CCZ1B: variants seen among roughly 807,000 people sequenced by gnomAD.
CCZ1B encodes the protein vacuolar fusion protein CCZ1 homolog B.
In CCZ1B, 25 loss-of-function variants were observed where a neutral mutation model predicts 58.8. The observed-to-expected ratio is 0.43, with a 90% confidence interval of 0.31 to 0.59. The LOEUF is 0.59. CCZ1B is among the 20% of genes least tolerant of loss of function. The probability of loss-of-function intolerance (pLI) is 0.12; values close to 1 mark genes in which losing one functional copy is unlikely to be tolerated. For synonymous variants in CCZ1B, 66 were observed against 173.2 expected, an observed-to-expected ratio of 0.38 and a Z score of 4.86; for missense variants, 180 against 501.5, an observed-to-expected ratio of 0.36 and a Z score of 6.12.
At chr7:6,819,429 T>A (rs1181855388) in intron 7 of CCZ1B, among the ~76,000 whole-genome samples, 1 of 148,692 alleles carries the variant, frequency 6.7e-6, no homozygotes, top group Non-Finnish European at 1.5e-5. Flanking sequence ...AGAGACAGGG[T>A]TTCACTATGT....
chr7:6,811,924 T>C (rs1782921937), intron 10 of CCZ1B, 28 bp downstream of exon 10: 3 of 1,596,522 alleles, frequency 1.9e-6, no homozygotes, highest in Non-Finnish European at 2.6e-6. Context: ...AGCACAATCA[T>C]TAACGCTGGA....
intron 10 of CCZ1B, among the ~76,000 whole-genome samples, chr7:6,807,572 TTAC>T (rs1782850787): frequency 6.6e-6 from 1 of 152,250 alleles, no homozygotes; most frequent in South Asian, 2.1e-4. Flanking sequence ...AAGACTCAAA[TTAC>T]TAAAACCAGG....
At position 6,825,665 on chromosome 7, in the gene CCZ1B, C is replaced by CACACA. The variant is rs1423276149; in HGVS notation, c.120+412_120+413insTGTGT. On this transcript the variant is annotated intron_variant, in intron 1 of 14. Coordinates refer to ENST00000316731, the MANE Select transcript of CCZ1B (RefSeq NM_198097.5). ...ACCACACACACACACACACACACAC[C>CACACA]CCTCCCGAAATTAATTTATTTCCTC... 1.2e-3 allele frequency among the ~76,000 whole-genome samples: 132 copies of CACACA among 111,394 alleles called. 1 individual carries two copies. In the South Asian group the frequency reaches 0.017, roughly 15 times the overall value. 73.1% of individuals were successfully genotyped at this position (111,394 alleles called of 152,430 possible).
At chr7:6,813,845 C>T (rs1369186823) in intron 8 of CCZ1B, among the ~76,000 whole-genome samples, 5 of 108,626 alleles carry the variant, frequency 4.6e-5, no homozygotes, top group South Asian at 5.3e-4. Context: ...TAGAACCCAA[C>T]CTAAAATCCA....
Position 6,810,279 on chromosome 7 carries a change from C to T in CCZ1B, c.954+1673G>A, listed in dbSNP as rs3109226. 1.1e-4 allele frequency among the ~76,000 whole-genome samples: 16 copies of T among 149,872 alleles called. 1 individual carries two copies. The East Asian group carries it at 1.7e-3, about 16-fold the overall frequency. On this transcript the variant is annotated intron_variant, in intron 10 of 14. Coordinates refer to ENST00000316731, the MANE Select transcript of CCZ1B (RefSeq NM_198097.5). ...CCGCCCACCTTGGCCTCCCAAAGTGCTGGGATTATAGGCGTGAGCCACCAT... is the reference window on the plus strand; with the variant it reads ...CCGCCCACCTTGGCCTCCCAAAGTGTTGGGATTATAGGCGTGAGCCACCAT...
rs1273240346 is a variant in CCZ1B, at chr7:6,812,211, G to A, written c.843-148C>T. ...AACACCATATCAGAATAGGCCGGCT[G>A]GGCGTGGTGGCTCATGCCTGTAATC... On this transcript the variant is annotated intron_variant, in intron 9 of 14. Coordinates refer to ENST00000316731, the MANE Select transcript of CCZ1B (RefSeq NM_198097.5). 9.6e-6 allele frequency: 8 copies of A among 831,434 alleles called. 1 individual carries two copies. The highest frequency in any genetic ancestry group is 4.5e-5 in the Admixed American group (2 of 44,682). The allele number at this position is 831,434 out of a possible 1,614,324, so 51.5% of individuals were successfully genotyped here. A position where few individuals can be genotyped will look rare whatever the true frequency, so the allele number is the denominator to read the frequency against.
At chr7:6,813,488 G>C (rs1782950109) in intron 8 of CCZ1B, among the ~76,000 whole-genome samples, 2 of 149,216 alleles carry the variant, frequency 1.3e-5, no homozygotes, top group African/African-American at 2.5e-5. Context: ...TGAGGTGACA[G>C]GACCGCTTGA....
At position 6,801,084 on chromosome 7, in the gene CCZ1B, C is replaced by G. The variant is rs375591981; in HGVS notation, c.1266-9G>C. The G allele has an allele frequency of 5.2e-5, 70 of 1,345,960 alleles. 10 individuals are homozygous for G. The African/African-American group carries it at 8.8e-4, about 17-fold the overall frequency. The allele number at this position is 1,345,960 out of a possible 1,614,324, so 83.4% of individuals were successfully genotyped here. On this transcript the variant is annotated splice_polypyrimidine_tract_variant and intron_variant, in intron 13 of 14. Coordinates refer to ENST00000316731, the MANE Select transcript of CCZ1B (RefSeq NM_198097.5). ...CCTCATCTTCATCCACTCTGCAAGA[C>G]GAGGGTCAAAATGCAATTGTTCGTT...
chr7:6,816,880 G>T (rs1263596873), intron 7 of CCZ1B, among the ~76,000 whole-genome samples: 1 of 150,980 alleles, frequency 6.6e-6, no homozygotes, highest in South Asian at 2.1e-4. Flanking sequence ...AACCTCTGTA[G>T]TCTCTGTAGT....
At chr7:6,814,472 G>C (rs2115118983) in intron 8 of CCZ1B, among the ~76,000 whole-genome samples, 1 of 149,934 alleles carries the variant, frequency 6.7e-6, no homozygotes, top group East Asian at 1.9e-4. Context: ...CTCCATCCCA[G>C]GTGAAAGTTC....
chr7:6,799,149 T>C lies in CCZ1B; in HGVS notation c.*75A>G. The C allele has an allele frequency of 4.9e-6, 3 of 606,918 alleles. 1 individual carries two copies. Among genetic ancestry groups the C allele is most frequent in the Non-Finnish European group, 7.1e-6 (3 of 420,346 alleles). 37.6% of individuals were successfully genotyped at this position (606,918 alleles called of 1,614,324 possible). A position where few individuals can be genotyped will look rare whatever the true frequency, so the allele number is the denominator to read the frequency against. ...CCCTTGTCCTGAATGCAGTCCGTCA[T>C]ATGACCACTAACTTGCATGTGACCA... On this transcript the variant is annotated 3_prime_UTR_variant, in exon 15 of 15. Transcript: ENST00000316731.
chr7:6,821,801 A>C (rs9692111), intron 6 of CCZ1B, among the ~76,000 whole-genome samples: 33,677 of 147,392 alleles, frequency 0.23, 2,706 homozygotes, highest in East Asian at 0.33. Flanking sequence ...AGAGGACAGC[A>C]CTTGGAACAA....
chr7:6,822,512 T>G, intron 5 of CCZ1B, 148 bp from the exon 6 acceptor site: 1 of 1,356,578 alleles, frequency 7.4e-7, no homozygotes, highest in Non-Finnish European at 9.7e-7. Flanking sequence ...GTGAGAAAAC[T>G]TGAGTTAAAA....
At chr7:6,815,667 G>A (rs1302984192) in intron 7 of CCZ1B, among the ~76,000 whole-genome samples, 2 of 148,990 alleles carry the variant, frequency 1.3e-5, no homozygotes, top group Non-Finnish European at 3.0e-5. Flanking sequence ...GTTAAGGAAG[G>A]TAAAGAGTTA....
chr7:6,803,704 C>A (rs1782793047), intron 12 of CCZ1B, among the ~76,000 whole-genome samples: 1 of 148,096 alleles, frequency 6.8e-6, no homozygotes, highest in Non-Finnish European at 1.5e-5. Flanking sequence ...TGGCTCACGC[C>A]TGTCATCCCA....
chr7:6,821,517 A>G (rs1381106725), intron 6 of CCZ1B, among the ~76,000 whole-genome samples: 1 of 152,308 alleles, frequency 6.6e-6, no homozygotes, highest in African/African-American at 2.4e-5. Flanking sequence ...TAGCTATGAA[A>G]GCTGTTTTAG....
At chr7:6,823,048 G>A (rs1175489812) in intron 5 of CCZ1B, among the ~76,000 whole-genome samples, 2 of 147,916 alleles carry the variant, frequency 1.4e-5, no homozygotes, top group African/African-American at 2.6e-5. Flanking sequence ...CATTCTGTAT[G>A]TTCCTTGAGC....
At chr7:6,821,769 T>C (rs1783114845) in intron 6 of CCZ1B, among the ~76,000 whole-genome samples, 1 of 150,114 alleles carries the variant, frequency 6.7e-6, no homozygotes, top group Non-Finnish European at 1.5e-5. Flanking sequence ...GGGTGAAACA[T>C]GCAAAATTCA....
Position 6,819,819 on chromosome 7 carries a change from T to A in CCZ1B, c.645A>T (p.Glu215Asp), listed in dbSNP as rs2115126211. 6.4e-7 allele frequency: 1 copy of A among 1,567,038 alleles called. No individual in the cohort carries two copies. Among genetic ancestry groups the A allele is most frequent in the East Asian group, 2.2e-5 (1 of 44,808 alleles). The change falls in exon 7 of 15, where the codon GAA becomes GAT. Residue 215 changes from glutamate (E) to aspartate (D), a missense_variant. Glu to Asp is a conservative substitution (Grantham distance 45). Transcript: ENST00000316731. ...CAGTGTATTTGACTATATTCAGGCTTTCCTCCATTCTATTAATAAAGGACT... is the reference window on the plus strand; with the variant it reads ...CAGTGTATTTGACTATATTCAGGCTATCCTCCATTCTATTAATAAAGGACT... ...KIQSFINRMEESLNIVKYTAF... is the reference protein window; with the variant it reads ...KIQSFINRMEDSLNIVKYTAF...
Sources: gnomAD v4.1 joint callset for allele counts (sites outside exome capture counted in the v4.1 genomes callset) on GRCh38, gnomAD v4.1.1 for gene constraint, MANE v1.5 for transcripts, NCBI Gene and HGNC (gene_info 2026-07-23, HGNC 2026-07-21) for gene names.